The following ROBO1 variants were observed in gnomAD, a reference collection of about 807,000 sequenced individuals.
ROBO1 encodes the protein roundabout homolog 1.
ROBO1 carries 149 observed loss-of-function variants against 195.9 expected under a neutral mutation model. The observed-to-expected ratio is 0.76, with a 90% CI of 0.67 to 0.87. ROBO1 has a LOEUF of 0.87. ROBO1 is among the 40% of genes least tolerant of loss of function. The pLI is 0.00. For synonymous variants in ROBO1, 816 were observed against 733.2 expected, an observed-to-expected ratio of 1.11 and a Z score of -1.82; for missense variants, 1,933 against 2,068.3, an observed-to-expected ratio of 0.93 and a Z score of 1.27.
At position 79,427,304 on chromosome 3, in the gene ROBO1, G is replaced by A. The variant is rs187125487; in HGVS notation, c.88+162520C>T. 2.1e-3 allele frequency among the ~76,000 whole-genome samples: 324 copies of A among 152,182 alleles called. 1 individual carries two copies. Among genetic ancestry groups the A allele is most frequent in the African/African-American group, 7.4e-3 (307 of 41,548 alleles). ...TGCTAACATTTTCAGTTTATGTTCTGCTCAAGATGCCTTTCAACACCCTCG... is the reference window on the plus strand; with the variant it reads ...TGCTAACATTTTCAGTTTATGTTCTACTCAAGATGCCTTTCAACACCCTCG... On this transcript the variant is annotated intron_variant, in intron 2 of 30. Transcript: ENST00000464233.
chr3:79,003,257 T>C (rs1208809007), intron 3 of ROBO1, among the ~76,000 whole-genome samples: 1 of 152,162 alleles, frequency 6.6e-6, no homozygotes, highest in South Asian at 2.1e-4. Context: ...TCCTTGACAA[T>C]GCTCATGCCT....
Position 78,646,132 on chromosome 3 carries a change from C to T in ROBO1, c.2882+16G>A, listed in dbSNP as rs368515983. 1.9e-5 allele frequency: 31 copies of T among 1,602,198 alleles called. No individual in the cohort carries two copies. The highest frequency in any genetic ancestry group is 2.5e-5 in the Non-Finnish European group (29 of 1,171,564). On this transcript the variant is annotated intron_variant, in intron 21 of 30. Transcript: ENST00000464233. ...GGAATTCCCTGTAGGATCTACAAAA[C>T]AAGCAAGATAATTACCTCCCTCCAC...
intron 2 of ROBO1, among the ~76,000 whole-genome samples, chr3:79,574,033 A>G (rs898805726): frequency 6.6e-6 from 1 of 152,126 alleles, no homozygotes; most frequent in Non-Finnish European, 1.5e-5. Flanking sequence ...CATTGAGTCC[A>G]TGGATTTCCT....
intron 4 of ROBO1, among the ~76,000 whole-genome samples, chr3:78,918,962 G>A (rs1470409694): frequency 6.6e-6 from 1 of 152,104 alleles, no homozygotes; most frequent in East Asian, 1.9e-4. Flanking sequence ...TGTGGTTCTG[G>A]AGCAAAGGAA....
intron 2 of ROBO1, among the ~76,000 whole-genome samples, chr3:79,509,291 T>A (rs1186710103): frequency 2.0e-5 from 3 of 152,104 alleles, no homozygotes; most frequent in Non-Finnish European, 4.4e-5. Flanking sequence ...TTAGCAATAT[T>A]TATGGCGGAA....
At chr3:79,426,444 C>T (rs903832024) in intron 2 of ROBO1, among the ~76,000 whole-genome samples, 1 of 152,016 alleles carries the variant, frequency 6.6e-6, no homozygotes, top group African/African-American at 2.4e-5. Context: ...GATCTCAGCT[C>T]ACTGCAATGT....
chr3:79,573,007 G>A (rs1943331623), intron 2 of ROBO1, among the ~76,000 whole-genome samples: 1 of 152,148 alleles, frequency 6.6e-6, no homozygotes, highest in Non-Finnish European at 1.5e-5. Context: ...ACAATGCAAA[G>A]TGGCTTCAAA....
At chr3:79,166,356 T>C (rs1185095912) in intron 2 of ROBO1, among the ~76,000 whole-genome samples, 1 of 152,214 alleles carries the variant, frequency 6.6e-6, no homozygotes, top group Non-Finnish European at 1.5e-5. Context: ...GTACTGCAGA[T>C]ACTGAATATT....
At chr3:78,681,991 G>C (rs1208784759) in intron 10 of ROBO1, among the ~76,000 whole-genome samples, 1 of 152,106 alleles carries the variant, frequency 6.6e-6, no homozygotes, top group Non-Finnish European at 1.5e-5. Flanking sequence ...GATAATGAAT[G>C]GTAAAGCACG....
At chr3:79,016,209 T>C (rs770161633) in intron 3 of ROBO1, among the ~76,000 whole-genome samples, 4 of 152,192 alleles carry the variant, frequency 2.6e-5, no homozygotes, top group Non-Finnish European at 5.9e-5. Context: ...CTGAACACTG[T>C]CATGAAATCA....
At chr3:79,435,395 G>A (rs975077075) in intron 2 of ROBO1, among the ~76,000 whole-genome samples, 19 of 151,940 alleles carry the variant, frequency 1.3e-4, no homozygotes, top group South Asian at 1.0e-3. Flanking sequence ...TCTATCAAAC[G>A]TTTTGAATCA....
chr3:78,710,338 A>G (rs1000539230), intron 8 of ROBO1, among the ~76,000 whole-genome samples: 2 of 152,210 alleles, frequency 1.3e-5, no homozygotes, highest in African/African-American at 2.4e-5. Flanking sequence ...TGAAAATGTA[A>G]TGCTTTATAT....
chr3:78,720,321 C>T (rs1046525249), intron 5 of ROBO1, among the ~76,000 whole-genome samples: 1 of 152,200 alleles, frequency 6.6e-6, no homozygotes, highest in African/African-American at 2.4e-5. Context: ...TGCATTTATG[C>T]AGCCAACAGA....
At chr3:79,735,666 C>G (rs1385653403) in intron 1 of ROBO1, among the ~76,000 whole-genome samples, 4 of 152,042 alleles carry the variant, frequency 2.6e-5, no homozygotes, top group Admixed American at 1.3e-4. Flanking sequence ...GTCAGGAGAT[C>G]GAGACCATCC....
chr3:79,116,168 A>C (rs1195126660), intron 3 of ROBO1, among the ~76,000 whole-genome samples: 2 of 152,172 alleles, frequency 1.3e-5, no homozygotes, highest in Non-Finnish European at 2.9e-5. Flanking sequence ...GCAGATACCA[A>C]AATCCATAGG....
rs576009264 is a variant in ROBO1 at position 79,604,785 on chromosome 3, A to AT, written c.-50-14825dup. Among the ~76,000 whole-genome samples, 1,304 of 151,948 alleles carry AT rather than the reference A, an allele frequency of 8.6e-3. 4 individuals carry two copies. The highest frequency in any genetic ancestry group is 0.013 in the Admixed American group (198 of 15,246). On this transcript the variant is annotated intron_variant, in intron 1 of 30. Coordinates refer to ENST00000464233, the MANE Select transcript of ROBO1 (RefSeq NM_002941.4). ...AAATTCCATTTCAATACAAAGAGTT[A>AT]TTTTTTTGTTTTGTTCAAGCCAATT...
chr3:79,065,186 A>G (rs1267805728), intron 3 of ROBO1, among the ~76,000 whole-genome samples: 2 of 152,042 alleles, frequency 1.3e-5, no homozygotes, highest in Non-Finnish European at 2.9e-5. Context: ...ACAAAAGTGA[A>G]TAATCATAAC....
intron 1 of ROBO1, among the ~76,000 whole-genome samples, chr3:79,637,081 C>G (rs773506514): frequency 7.2e-5 from 11 of 152,128 alleles, no homozygotes; most frequent in Admixed American, 4.6e-4. Context: ...ATTTCAACAG[C>G]CCAATAAACC....
chr3:79,190,116 T>A (rs2108753452), intron 2 of ROBO1, among the ~76,000 whole-genome samples: 1 of 151,796 alleles, frequency 6.6e-6, no homozygotes, highest in East Asian at 1.9e-4. Flanking sequence ...TTCTAATGTA[T>A]CCTATCACAC....
Sources: gnomAD v4.1 joint callset for allele counts (sites outside exome capture counted in the v4.1 genomes callset) on GRCh38, gnomAD v4.1.1 for gene constraint, MANE v1.5 for transcripts, NCBI Gene and HGNC (gene_info 2026-07-23, HGNC 2026-07-21) for gene names.